PLPP4: variants seen among roughly 807,000 people sequenced by gnomAD.
PLPP4 encodes the protein phospholipid phosphatase 4.
PLPP4 carries 20 observed loss-of-function variants against 32.2 expected under a neutral mutation model. The observed-to-expected ratio is 0.62, with a 90% CI of 0.44 to 0.90. The LOEUF is 0.90. Ranked by LOEUF, PLPP4 falls within the 40% of genes least tolerant of loss-of-function variation. PLPP4 has a pLI of 0.00. For synonymous variants in PLPP4, 127 were observed against 133.0 expected (o/e 0.95, Z 0.31); for missense variants, 257 against 353.1 (o/e 0.73, Z 2.18).
chr10:120,558,877 C>G (rs1848289476), intron 5 of PLPP4, among the ~76,000 whole-genome samples: 1 of 152,098 alleles, frequency 6.6e-6, no homozygotes, highest in Admixed American at 6.5e-5. Flanking sequence ...CCAAATATAA[C>G]TCTCAGATAA....
chr10:120,482,773 A>T (rs1298477694), intron 1 of PLPP4, among the ~76,000 whole-genome samples: 1 of 151,238 alleles, frequency 6.6e-6, no homozygotes, highest in Non-Finnish European at 1.5e-5. Flanking sequence ...TTAGCCAGGC[A>T]TGGTGGCGGG....
intron 1 of PLPP4, among the ~76,000 whole-genome samples, chr10:120,494,560 A>G (rs994237446): frequency 6.6e-6 from 1 of 152,232 alleles, no homozygotes; most frequent in Non-Finnish European, 1.5e-5. Context: ...TGGGAGGCTT[A>G]TCACAGAGCA....
intron 1 of PLPP4, among the ~76,000 whole-genome samples, chr10:120,486,223 A>G (rs1486048784): frequency 6.6e-6 from 1 of 150,398 alleles, no homozygotes; most frequent in African/African-American, 2.4e-5. Flanking sequence ...AGCCCCGTCA[A>G]CCTCCATCTG....
At chr10:120,579,889 C>T (rs564890248) in intron 6 of PLPP4, among the ~76,000 whole-genome samples, 89 of 149,290 alleles carry the variant, frequency 6.0e-4, no homozygotes, top group Non-Finnish European at 9.2e-4. Context: ...GGGCAGATCA[C>T]GAGGTCAGGA....
chr10:120,542,849 C>T (rs1354397826), intron 5 of PLPP4, among the ~76,000 whole-genome samples: 3 of 152,156 alleles, frequency 2.0e-5, no homozygotes, highest in Non-Finnish European at 2.9e-5. Context: ...CAAAAGATGG[C>T]GTCATCTTCC....
At position 120,497,000 on chromosome 10, in the gene PLPP4, T is replaced by C. The variant is rs140438703; in HGVS notation, c.57-6818T>C. Among the ~76,000 whole-genome samples the C allele has an allele frequency of 2.0e-5, 3 of 152,076 alleles. No homozygotes were observed. The East Asian group carries it at 5.8e-4, about 30-fold the overall frequency. Reference sequence around the variant, plus strand: ...TGTCATGAGTCTAGATGCTGCCCCATCTAGCCCTAGTCTGGGGATCCTCCT... The same window carrying C: ...TGTCATGAGTCTAGATGCTGCCCCACCTAGCCCTAGTCTGGGGATCCTCCT... On this transcript the variant is annotated intron_variant, in intron 1 of 6. Transcript: ENST00000398250.
chr10:120,542,146 G>A (rs1194470720), intron 5 of PLPP4, among the ~76,000 whole-genome samples: 2 of 152,192 alleles, frequency 1.3e-5, no homozygotes, highest in African/African-American at 4.8e-5. Flanking sequence ...TTGGAGGTGA[G>A]GAAGACTGCT....
chr10:120,528,393 A>C (rs1408420066), intron 5 of PLPP4, among the ~76,000 whole-genome samples: 1 of 152,134 alleles, frequency 6.6e-6, no homozygotes, highest in Non-Finnish European at 1.5e-5. Context: ...CTTTCTTTTA[A>C]GAATTGTATA....
At chr10:120,484,278 A>G (rs1844341998) in intron 1 of PLPP4, among the ~76,000 whole-genome samples, 1 of 152,220 alleles carries the variant, frequency 6.6e-6, no homozygotes, top group Non-Finnish European at 1.5e-5. Flanking sequence ...ATCATTGCAA[A>G]TAGTCAATCA....
At chr10:120,565,353 T>TGTGTGC (rs1554896568) in intron 5 of PLPP4, among the ~76,000 whole-genome samples, 1 of 135,022 alleles carries the variant, frequency 7.4e-6, no homozygotes, top group African/African-American at 2.6e-5. Context: ...TGTGTGTGTG[T>TGTGTGC]GTGTGTGTGC....
intron 5 of PLPP4, among the ~76,000 whole-genome samples, chr10:120,558,321 A>T: frequency 6.6e-6 from 1 of 150,798 alleles, no homozygotes; most frequent in Admixed American, 6.6e-5. Context: ...ATGTTTTGTG[A>T]TTTGCTAATT....
At chr10:120,582,817 T>G (rs1238567702) in intron 6 of PLPP4, among the ~76,000 whole-genome samples, 1 of 126,574 alleles carries the variant, frequency 7.9e-6, no homozygotes, top group Non-Finnish European at 1.6e-5. Flanking sequence ...CTTCCTTCCT[T>G]CCTTCTCTCC....
intron 2 of PLPP4, among the ~76,000 whole-genome samples, chr10:120,504,253 A>C (rs1845396078): frequency 6.6e-6 from 1 of 152,212 alleles, no homozygotes; most frequent in Admixed American, 6.5e-5. Flanking sequence ...TGCTTGAACA[A>C]AGGAGGGAGG....
chr10:120,513,764 C>CTTT (rs5788426), intron 2 of PLPP4, 147 bp from the exon 3 acceptor site: 37 of 650,954 alleles, frequency 5.7e-5, no homozygotes, highest in Middle Eastern at 2.5e-4. Flanking sequence ...ATACATCATC[C>CTTT]TTTTTTTTTT....
Position 120,537,335 on chromosome 10 carries a change from C to T in PLPP4, c.445+16240C>T, listed in dbSNP as rs534347950. 3.9e-5 allele frequency among the ~76,000 whole-genome samples: 6 copies of T among 152,222 alleles called. No homozygotes were observed. In the East Asian group the frequency reaches 1.2e-3, roughly 29 times the overall value. On this transcript the variant is annotated intron_variant, in intron 5 of 6. Coordinates refer to ENST00000398250, the MANE Select transcript of PLPP4 (RefSeq NM_001030059.3). Reference sequence around the variant, plus strand: ...AGAAAATGTGATAGATATAGATAAACAATTGAATATTATTCAGCTTCAAAA... The same window carrying T: ...AGAAAATGTGATAGATATAGATAAATAATTGAATATTATTCAGCTTCAAAA...
chr10:120,458,187 G>T (rs769730813), intron 1 of PLPP4, among the ~76,000 whole-genome samples: 22 of 152,156 alleles, frequency 1.4e-4, no homozygotes, highest in Non-Finnish European at 3.1e-4. Flanking sequence ...TCAGACCTGA[G>T]CCCAGAACAC....
intron 1 of PLPP4, among the ~76,000 whole-genome samples, chr10:120,497,912 C>T (rs1445842998): frequency 6.6e-6 from 1 of 151,930 alleles, no homozygotes; most frequent in African/African-American, 2.4e-5. Context: ...TGGTGGCCAG[C>T]GCCTGTAGTC....
intron 5 of PLPP4, among the ~76,000 whole-genome samples, chr10:120,523,584 C>T (rs1004699127): frequency 4.3e-4 from 66 of 152,140 alleles, no homozygotes; most frequent in African/African-American, 1.5e-3. Flanking sequence ...ATCTGCTCTC[C>T]ATCTGTCTCC....
Position 120,589,652 on chromosome 10 carries a change from C to A in PLPP4, c.*150C>A. 1.6e-6 allele frequency: 1 copy of A among 634,058 alleles called. No individual in the cohort carries two copies. The highest frequency in any genetic ancestry group is 2.2e-5 in the South Asian group (1 of 45,666). The allele number at this position is 634,058 out of a possible 1,614,324, so 39.3% of individuals were successfully genotyped here. On this transcript the variant is annotated 3_prime_UTR_variant, in exon 7 of 7. Transcript: ENST00000398250. ...TGCTTCTGTTTCACTGATGGTGTTC[C>A]TGCTACTTTAAATGTCTACTTCCAA... is the stretch of plus-strand genomic sequence containing the variant.
Sources: gnomAD v4.1 joint callset for allele counts (sites outside exome capture counted in the v4.1 genomes callset) on GRCh38, gnomAD v4.1.1 for gene constraint, MANE v1.5 for transcripts, NCBI Gene and HGNC (gene_info 2026-07-23, HGNC 2026-07-21) for gene names.